The following CADPS2 variants were observed in gnomAD, a reference collection of about 807,000 sequenced individuals.
The protein encoded by CADPS2 is calcium dependent secretion activator 2.
Under a neutral mutation model 172.5 loss-of-function variants are expected in CADPS2, and 93 were observed. The ratio of observed to expected loss-of-function variants is 0.54; its 90% CI spans 0.46 to 0.64. The LOEUF (loss-of-function observed/expected upper bound fraction) is 0.64, where lower values mean the gene tolerates loss of function less well. Ranked by LOEUF, CADPS2 falls within the 30% of genes least tolerant of loss-of-function variation. The probability of loss-of-function intolerance (pLI) is 0.00; values close to 1 mark genes in which losing one functional copy is unlikely to be tolerated. For synonymous variants in CADPS2, 546 were observed against 555.2 expected (o/e 0.98, Z 0.23); for missense variants, 1,420 against 1,565.9 (o/e 0.91, Z 1.57).
rs187484569 is a variant in CADPS2 at position 122,365,089 on chromosome 7, T to C, written c.3388-4076A>G. Among the ~76,000 whole-genome samples, 15 of 152,308 alleles carry C rather than the reference T, an allele frequency of 9.8e-5. No individual in the cohort carries two copies. The East Asian group carries it at 2.7e-3, about 27-fold the overall frequency. On this transcript the variant is annotated intron_variant, in intron 25 of 29. Coordinates refer to ENST00000449022, the MANE Select transcript of CADPS2 (RefSeq NM_017954.11). The stretch of plus-strand genomic sequence containing the variant: ...TGCATTTAGGGCAGAATTTTCTCCA[T>C]GTGGCATCTGGCAGCCTGTTTGGCT...
At chr7:122,477,482 C>T (rs964036998) in intron 12 of CADPS2, among the ~76,000 whole-genome samples, 5 of 151,810 alleles carry the variant, frequency 3.3e-5, no homozygotes, top group Non-Finnish European at 5.9e-5. Context: ...CGCCACTGCA[C>T]TCCAGCCTGG....
intron 6 of CADPS2, among the ~76,000 whole-genome samples, chr7:122,602,150 T>C (rs966666406): frequency 2.0e-5 from 3 of 151,226 alleles, no homozygotes; most frequent in Non-Finnish European, 4.4e-5. Flanking sequence ...CACATACCTA[T>C]AAAATAATTA....
chr7:122,837,644 T>C (rs550733317), intron 1 of CADPS2, among the ~76,000 whole-genome samples: 399 of 152,246 alleles, frequency 2.6e-3, no homozygotes, highest in Non-Finnish European at 4.7e-3. Flanking sequence ...GAGAATACTA[T>C]AAACACCTCT....
chr7:122,447,480 C>T (rs529421844), intron 15 of CADPS2, among the ~76,000 whole-genome samples: 2 of 149,126 alleles, frequency 1.3e-5, no homozygotes, highest in African/African-American at 4.9e-5. Flanking sequence ...CTTTGAGGGT[C>T]TCAATTAACC....
rs570817128 is a variant in CADPS2, at chr7:122,729,407, T to C, written c.453+7548A>G. Among the ~76,000 whole-genome samples the C allele has an allele frequency of 2.0e-5, 3 of 151,842 alleles. No homozygotes were observed. The South Asian group carries it at 6.2e-4, about 31-fold the overall frequency. On this transcript the variant is annotated intron_variant, in intron 2 of 29. Coordinates refer to ENST00000449022, the MANE Select transcript of CADPS2 (RefSeq NM_017954.11). ...CAAGTAATGAGATTGCTGAATCTTATGGTATTTCTATTTTTAATTTTTTAA... is the reference window on the plus strand; with the variant it reads ...CAAGTAATGAGATTGCTGAATCTTACGGTATTTCTATTTTTAATTTTTTAA...
chr7:122,432,643 T>TAAAAA lies in CADPS2; in HGVS notation c.2476+5693_2476+5697dup, dbSNP rs57311950. Among the ~76,000 whole-genome samples, 60 of 108,506 alleles carry TAAAAA rather than the reference T, an allele frequency of 5.5e-4. 1 individual carries two copies. The highest frequency in any genetic ancestry group is 1.5e-3 in the African/African-American group (45 of 29,430). 71.2% of individuals were successfully genotyped at this position (108,506 alleles called of 152,430 possible). A position where few individuals can be genotyped will look rare whatever the true frequency, so the allele number is the denominator to read the frequency against. ...GCAACAAGGCAAGACTCTGTTAAAA[T>TAAAAA]AAAAAAAAAAAAAAAAAAGAAAAAA... On this transcript the variant is annotated intron_variant, in intron 17 of 29. Coordinates refer to ENST00000449022, the MANE Select transcript of CADPS2 (RefSeq NM_017954.11).
At chr7:122,498,150 G>A (rs186581874) in intron 9 of CADPS2, among the ~76,000 whole-genome samples, 23 of 152,198 alleles carry the variant, frequency 1.5e-4, no homozygotes, top group Admixed American at 3.9e-4. Flanking sequence ...GGTTCACCAC[G>A]TTGGCTAGGC....
intron 2 of CADPS2, among the ~76,000 whole-genome samples, chr7:122,676,028 CAAAAT>C (rs1445115973): frequency 1.3e-5 from 2 of 151,862 alleles, no homozygotes; most frequent in Non-Finnish European, 2.9e-5. Context: ...TCTTGAACCT[CAAAAT>C]AAAATAAAAT....
At chr7:122,745,575 T>C (rs188453558) in intron 1 of CADPS2, among the ~76,000 whole-genome samples, 4,209 of 150,458 alleles carry the variant, frequency 0.028, 74 homozygotes, top group Non-Finnish European at 0.032. Context: ...AGAACAAAAG[T>C]GGCTTTAGGA....
At chr7:122,864,949 TC>T (rs763597337) in intron 1 of CADPS2, among the ~76,000 whole-genome samples, 11 of 152,148 alleles carry the variant, frequency 7.2e-5, no homozygotes, top group Admixed American at 1.3e-4. Flanking sequence ...ACTCATCACT[TC>T]TGTTTGTATG....
At chr7:122,383,863 T>C (rs1052140226) in intron 24 of CADPS2, among the ~76,000 whole-genome samples, 1 of 152,136 alleles carries the variant, frequency 6.6e-6, no homozygotes, top group Non-Finnish European at 1.5e-5. Context: ...AATGGATGCA[T>C]TTTAATTTAA....
chr7:122,649,927 T>TTTTTTTTTTTTTA (rs2078971787), intron 3 of CADPS2, among the ~76,000 whole-genome samples: 1 of 124,940 alleles, frequency 8.0e-6, no homozygotes, highest in Non-Finnish European at 1.8e-5. Context: ...TTTTTTTTTT[T>TTTTTTTTTTTTTA]GAGAGAGTCT....
intron 27 of CADPS2, among the ~76,000 whole-genome samples, chr7:122,352,129 A>G (rs2038754884): frequency 1.3e-5 from 2 of 152,190 alleles, no homozygotes; most frequent in South Asian, 4.1e-4. Context: ...CTAACATCCC[A>G]GAGTTTAGAG....
intron 13 of CADPS2, among the ~76,000 whole-genome samples, chr7:122,472,502 A>G (rs544637476): frequency 3.9e-5 from 6 of 152,178 alleles, no homozygotes; most frequent in Non-Finnish European, 7.3e-5. Context: ...CATGATTTAT[A>G]TTCACAGTCA....
At chr7:122,612,093 G>A (rs1396680418) in intron 6 of CADPS2, among the ~76,000 whole-genome samples, 3 of 151,894 alleles carry the variant, frequency 2.0e-5, no homozygotes, top group South Asian at 2.1e-4. Context: ...AAAATTCAGA[G>A]CTAAAATCAG....
At chr7:122,694,102 G>T (rs2084763635) in intron 2 of CADPS2, among the ~76,000 whole-genome samples, 1 of 152,248 alleles carries the variant, frequency 6.6e-6, no homozygotes, top group African/African-American at 2.4e-5. Flanking sequence ...ATGTAGAAAT[G>T]ATTCAGGGTA....
chr7:122,693,461 G>T (rs867220233), intron 2 of CADPS2, among the ~76,000 whole-genome samples: 2 of 152,160 alleles, frequency 1.3e-5, no homozygotes, highest in African/African-American at 4.8e-5. Context: ...CTGATTAAAG[G>T]TTCTTTGGAA....
At chr7:122,549,878 G>T (rs970076188) in intron 8 of CADPS2, among the ~76,000 whole-genome samples, 20 of 152,118 alleles carry the variant, frequency 1.3e-4, no homozygotes, top group Non-Finnish European at 1.9e-4. Flanking sequence ...CTTTGTGAAA[G>T]AACAGACTTG....
At chr7:122,596,235 T>C (rs909741072) in intron 6 of CADPS2, among the ~76,000 whole-genome samples, 7 of 152,096 alleles carry the variant, frequency 4.6e-5, no homozygotes, top group African/African-American at 1.7e-4. Context: ...TCAAGAACAT[T>C]TAAGCTCATT....
Sources: gnomAD v4.1 joint callset for allele counts (sites outside exome capture counted in the v4.1 genomes callset) on GRCh38, gnomAD v4.1.1 for gene constraint, MANE v1.5 for transcripts, NCBI Gene and HGNC (gene_info 2026-07-23, HGNC 2026-07-21) for gene names.